PKD1L1: variants seen among roughly 807,000 people sequenced by gnomAD.
PKD1L1 encodes polycystin-1-like protein 1.
PKD1L1 carries 236 observed loss-of-function variants against 323.4 expected under a neutral mutation model. The observed-to-expected ratio is 0.73, with a 90% CI of 0.66 to 0.81. The LOEUF (loss-of-function observed/expected upper bound fraction) is 0.81. PKD1L1 is among the 40% of genes least tolerant of loss of function. The pLI is 0.00. For synonymous variants in PKD1L1, 1,344 were observed against 1,335.0 expected, an observed-to-expected ratio of 1.01 and a Z score of -0.15; for missense variants, 3,320 against 3,508.0, an observed-to-expected ratio of 0.95 and a Z score of 1.35.
chr7:47,897,136 G>A (rs956301386), intron 14 of PKD1L1, among the ~76,000 whole-genome samples: 1 of 152,192 alleles, frequency 6.6e-6, no homozygotes, highest in Non-Finnish European at 1.5e-5. Context: ...ATTTGCCATC[G>A]CTGTGACATC....
At chr7:47,821,238 C>A in intron 45 of PKD1L1, 52 bp from the exon 46 acceptor site, 1 of 1,052,430 alleles carries the variant, frequency 9.5e-7, no homozygotes, top group South Asian at 1.5e-5. Context: ...TATGTAGGTA[C>A]CTGAGTGCTT....
chr7:47,858,597 A>G lies in PKD1L1; in HGVS notation c.4362+76T>C, dbSNP rs1019302439. The G allele has an allele frequency of 4.9e-5, 68 of 1,386,366 alleles. No homozygotes were observed. In the African/African-American group the frequency reaches 9.1e-4, roughly 18 times the overall value. The allele number at this position is 1,386,366 out of a possible 1,614,324, so 85.9% of individuals were successfully genotyped here. A position where few individuals can be genotyped will look rare whatever the true frequency, so the allele number is the denominator to read the frequency against. On this transcript the variant is annotated intron_variant, in intron 27 of 56. Coordinates refer to ENST00000289672, the MANE Select transcript of PKD1L1 (RefSeq NM_138295.5). ...ACTGATTCTGTTTTTGGTTTTGAGA[A>G]GCAATTACAAATACAGGTTAACATC...
intron 56 of PKD1L1, among the ~76,000 whole-genome samples, chr7:47,786,860 T>C (rs1786819165): frequency 2.0e-5 from 3 of 151,896 alleles, no homozygotes; most frequent in African/African-American, 7.3e-5. Context: ...GCTACATAGC[T>C]GAGAGGCCAC....
chr7:47,877,506 A>C lies in PKD1L1; in HGVS notation c.3646T>G (p.Cys1216Gly). 1 of 1,613,904 alleles carries C rather than the reference A, an allele frequency of 6.2e-7. No individual in the cohort carries two copies. Among genetic ancestry groups the C allele is most frequent in the Non-Finnish European group, 8.5e-7 (1 of 1,179,890 alleles). The change falls in exon 22 of 57, where the codon TGC (cysteine) becomes GGC (glycine). Residue 1216 changes from cysteine to glycine, a missense_variant. Physicochemically the swap from Cys to Gly is radical, Grantham distance 159. Transcript: ENST00000289672. ...LEAHTVFSVFCMSGKPDFHYE... is the reference protein window; with the variant it reads ...LEAHTVFSVFGMSGKPDFHYE... Reference sequence around the variant, plus strand: ...CCACGTACCGGTTTTCCAGACATGCAGAAGACACTGAAGACGGTGTGTGCT... The same window carrying C: ...CCACGTACCGGTTTTCCAGACATGCCGAAGACACTGAAGACGGTGTGTGCT...
At chr7:47,837,768 C>T (rs876467) in intron 36 of PKD1L1, among the ~76,000 whole-genome samples, 63,547 of 151,906 alleles carry the variant, frequency 0.42, 13,918 homozygotes, top group East Asian at 0.65. Flanking sequence ...TTTTAAGTTC[C>T]AATTCAATTT....
chr7:47,905,687 G>A (rs1240209362), intron 10 of PKD1L1, among the ~76,000 whole-genome samples, 156 bp downstream of exon 10: 1 of 152,168 alleles, frequency 6.6e-6, no homozygotes, highest in East Asian at 1.9e-4. Context: ...AAAATTCCCA[G>A]AACAAATGGC....
At chr7:47,890,420 G>T in intron 16 of PKD1L1, 122 bp downstream of exon 16, 1 of 957,268 alleles carries the variant, frequency 1.0e-6, no homozygotes, top group Non-Finnish European at 1.6e-6. Context: ...TTTGCAGTGA[G>T]AATCCTGCAT....
intron 44 of PKD1L1, among the ~76,000 whole-genome samples, chr7:47,829,192 T>C (rs1323810717): frequency 6.6e-6 from 1 of 152,148 alleles, no homozygotes; most frequent in Non-Finnish European, 1.5e-5. Context: ...TTTTAAAATA[T>C]GCTCATTTTC....
At chr7:47,879,539 A>G (rs989155604) in intron 21 of PKD1L1, among the ~76,000 whole-genome samples, 5 of 149,096 alleles carry the variant, frequency 3.4e-5, no homozygotes, top group African/African-American at 9.9e-5. Flanking sequence ...AGGCTGAGGC[A>G]GGAGAATCAC....
In PKD1L1 at chr7:47,839,590, C is replaced by T; in HGVS notation, c.5625G>A (p.Trp1875Ter). Residue 1875 changes from tryptophan to a stop codon, truncating the protein, a stop_gained, in exon 36 of 57, where the codon TGG becomes TGA. Transcript: ENST00000289672. LOFTEE classifies it high-confidence loss of function. This position sits in a 1 kb window ranked among gnomAD's most constrained non-coding sequence, Gnocchi z 4.3. ...CCTTCACCATCACGTGGCTGATGAA[C>T]CAGCCTGGGGAAGGCCCACGGCTGT... Reference protein sequence around the residue: ...WHDSRGPSPGWFISHVMVKEL... With the variant: ...WHDSRGPSPG 1 of 1,600,234 alleles carries T rather than the reference C, an allele frequency of 6.2e-7. No homozygotes were observed. The highest frequency in any genetic ancestry group is 2.3e-5 in the East Asian group (1 of 44,390).
rs199739035 is a variant in PKD1L1, at chr7:47,811,152, TTC to T, written c.7581+663_7581+664del. On this transcript the variant is annotated intron_variant, in intron 50 of 56. Transcript: ENST00000289672. ...GGGAGTGTGGGAAGTAAATGTCTCC[TTC>T]TTTTTTTTTTTTTTTTTTAGACGGA... 3.0e-3 allele frequency among the ~76,000 whole-genome samples: 260 copies of T among 85,634 alleles called. 1 individual carries two copies. The highest frequency in any genetic ancestry group is 0.011 in the African/African-American group (220 of 20,136). The allele number at this position is 85,634 out of a possible 152,430, so 56.2% of individuals were successfully genotyped here.
At position 47,829,454 on chromosome 7, in the gene PKD1L1, T is replaced by C; in HGVS notation, c.6706A>G (p.Ile2236Val). The C allele has an allele frequency of 3.1e-6, 5 of 1,613,970 alleles. No homozygotes were observed. The highest frequency in any genetic ancestry group is 4.2e-6 in the Non-Finnish European group (5 of 1,179,980). The change falls in exon 44 of 57, where the codon ATT becomes GTT. Residue 2236 changes from isoleucine to valine, a missense_variant. Coordinates refer to ENST00000289672, the MANE Select transcript of PKD1L1 (RefSeq NM_138295.5). ...TRLPFSSSCS[I>V]PDCAGEVEKV... Reference sequence around the variant, plus strand: ...TCAACCTCGCCTGCACAGTCAGGAATACTGCAGCTTGAAGAGAAGGGGAGG... The same window carrying C: ...TCAACCTCGCCTGCACAGTCAGGAACACTGCAGCTTGAAGAGAAGGGGAGG...
intron 55 of PKD1L1, 121 bp from the exon 56 acceptor site, chr7:47,792,918 T>C (rs946820470): frequency 4.0e-5 from 37 of 914,128 alleles, no homozygotes; most frequent in Admixed American, 5.5e-5. Context: ...TTAGGAAACA[T>C]ACTGACTCTG....
At chr7:47,803,409 C>T in intron 52 of PKD1L1, 65 bp from the exon 53 acceptor site, 1 of 1,575,170 alleles carries the variant, frequency 6.3e-7, no homozygotes, top group Non-Finnish European at 8.7e-7. Flanking sequence ...GACATATTCA[C>T]AGCTGTCAGT....
intron 36 of PKD1L1, among the ~76,000 whole-genome samples, chr7:47,837,990 C>T (rs1300098423): frequency 1.3e-5 from 2 of 152,306 alleles, no homozygotes; most frequent in East Asian, 3.9e-4. Context: ...ATTAATAAGC[C>T]TACATTTCTC....
intron 3 of PKD1L1, among the ~76,000 whole-genome samples, chr7:47,938,508 C>T (rs955624506): frequency 6.6e-6 from 1 of 152,214 alleles, no homozygotes; most frequent in Non-Finnish European, 1.5e-5. Flanking sequence ...ATGGGAGACA[C>T]AGGGCTTTGC....
chr7:47,922,523 G>T (rs895388756), intron 7 of PKD1L1, among the ~76,000 whole-genome samples: 1 of 151,242 alleles, frequency 6.6e-6, no homozygotes, highest in African/African-American at 2.4e-5. Flanking sequence ...CTGCCCCGCC[G>T]CCCCGTCTGA....
chr7:47,933,860 C>T (rs1338495766), intron 4 of PKD1L1, among the ~76,000 whole-genome samples: 1 of 152,160 alleles, frequency 6.6e-6, no homozygotes, highest in African/African-American at 2.4e-5. Flanking sequence ...TCCAAATGGC[C>T]GTCTTAACTG....
intron 4 of PKD1L1, among the ~76,000 whole-genome samples, chr7:47,935,559 G>C (rs559591026): frequency 2.6e-5 from 4 of 152,216 alleles, no homozygotes; most frequent in Admixed American, 6.5e-5. Context: ...AGACTGCAAT[G>C]GGGGGGAACA....
Sources: gnomAD v4.1 joint callset for allele counts (sites outside exome capture counted in the v4.1 genomes callset) on GRCh38, gnomAD v4.1.1 for gene constraint, Gnocchi (gnomAD v3.1) non-coding constraint, MANE v1.5 for transcripts, NCBI Gene and HGNC (gene_info 2026-07-23, HGNC 2026-07-21) for gene names.